PER3: variants seen among roughly 807,000 people sequenced by gnomAD.
PER3 encodes the protein period circadian regulator 3.
Under a neutral mutation model 127.2 loss-of-function variants are expected in PER3, and 107 were observed. That is an observed-to-expected ratio of 0.84 (90% CI 0.72 to 0.99). The LOEUF is 0.99. Among genes scored for constraint, PER3 ranks in the 50% least tolerant of loss-of-function variants. The pLI, the probability that PER3 is intolerant of heterozygous loss-of-function variation, is 0.00. For synonymous variants in PER3, 618 were observed against 585.8 expected (o/e 1.05, Z -0.79); for missense variants, 1,560 against 1,525.8 (o/e 1.02, Z -0.37).
At chr1:7,829,200 GTA>G (rs2097317097) in intron 18 of PER3, among the ~76,000 whole-genome samples, 1 of 152,136 alleles carries the variant, frequency 6.6e-6, no homozygotes, top group African/African-American at 2.4e-5. Flanking sequence ...CGTATATACA[GTA>G]TGTTTTTTCC....
intron 21 of PER3, among the ~76,000 whole-genome samples, chr1:7,839,632 T>C (rs1299198322): frequency 2.0e-5 from 3 of 152,240 alleles, no homozygotes; most frequent in African/African-American, 4.8e-5. Flanking sequence ...ATGTCTTCAC[T>C]TCTCCCTTAC....
In PER3 at chr1:7,823,874, A is replaced by G. The variant is rs149616786; in HGVS notation, c.1958-2606A>G. On this transcript the variant is annotated intron_variant, in intron 16 of 21. Coordinates refer to ENST00000377532, the MANE Select transcript of PER3 (RefSeq NM_001377275.1). ...CTTTTCAAGTACACACAGTATGTTCACTGAGAAATACGACATGTTGGGCTG... is the reference window on the plus strand; with the variant it reads ...CTTTTCAAGTACACACAGTATGTTCGCTGAGAAATACGACATGTTGGGCTG... Among the ~76,000 whole-genome samples the G allele has an allele frequency of 1.4e-3, 220 of 152,350 alleles. 1 individual carries two copies. Among genetic ancestry groups the G allele is most frequent in the Middle Eastern group, 0.01 (3 of 294 alleles).
At chr1:7,788,632 G>A (rs61773372) in intron 5 of PER3, 26,699 of 200,922 alleles carry the variant, frequency 0.13, 2,150 homozygotes, top group Admixed American at 0.17. Context: ...GGCTGGGCAA[G>A]GTGGCTCACG....
rs936587567 is a variant in PER3 at position 7,803,767 on chromosome 1, T to A, written c.1055T>A (p.Ile352Lys). Reference protein sequence around the residue: ...RFCTQNGDYIILDSSWSSFVN... With the variant: ...RFCTQNGDYIKLDSSWSSFVN... The stretch of plus-strand genomic sequence containing the variant: ...TGTACTCAAAACGGAGACTACATCA[T>A]ACTGGATTCCAGTTGGTCCAGCTTT... The change falls in exon 10 of 22, where the codon ATA becomes AAA. Residue 352 changes from isoleucine (I) to lysine (K), a missense_variant. Ile to Lys is a moderately radical substitution (Grantham distance 102). Coordinates refer to ENST00000377532, the MANE Select transcript of PER3 (RefSeq NM_001377275.1). 6.2e-7 allele frequency: 1 copy of A among 1,612,112 alleles called. No homozygotes were observed. Among genetic ancestry groups the A allele is most frequent in the Non-Finnish European group, 8.5e-7 (1 of 1,178,100 alleles).
Position 7,826,536 on chromosome 1 carries a change from T to C in PER3, c.2014T>C (p.Leu672=), listed in dbSNP as rs2097302335. The C allele has an allele frequency of 8.1e-6, 13 of 1,614,116 alleles. No homozygotes were observed. Among genetic ancestry groups the C allele is most frequent in the Non-Finnish European group, 1.0e-5 (12 of 1,179,974 alleles). ...PWTLNMQPAP[L]TSEEFKHVGL... ...GACCCTGAACATGCAGCCAGCCCCTTTGACCTCGGAAGAATTTAAACACGT... is the reference window on the plus strand; with the variant it reads ...GACCCTGAACATGCAGCCAGCCCCTCTGACCTCGGAAGAATTTAAACACGT... The change falls in exon 17 of 22, where the codon TTG becomes CTG. Residue 672 remains leucine, a synonymous_variant. Transcript: ENST00000377532. The surrounding 1 kb of genome is among the most constrained non-coding windows in gnomAD (Gnocchi z 4.2).
Position 7,810,602 on chromosome 1 carries a change from C to T in PER3, c.1522+14C>T. ...CGAATGGTGGTGGTGAGTCAGCCGG[C>T]AGCCCCAAGGATCTCCTTCCATGGG... On this transcript the variant is annotated intron_variant, in intron 13 of 21. Transcript: ENST00000377532. The T allele has an allele frequency of 1.9e-6, 3 of 1,600,276 alleles. No individual in the cohort carries two copies. The highest frequency in any genetic ancestry group is 1.1e-5 in the South Asian group (1 of 88,600).
intron 13 of PER3, among the ~76,000 whole-genome samples, chr1:7,815,974 CAG>C (rs1461064127): frequency 9.5e-6 from 1 of 104,800 alleles, no homozygotes; most frequent in Non-Finnish European, 1.7e-5. Context: ...GCCTGGGCGA[CAG>C]AGCGGACTCC....
At position 7,819,440 on chromosome 1, in the gene PER3, G is replaced by A; in HGVS notation, c.1658+20G>A. The A allele has an allele frequency of 6.2e-7, 1 of 1,611,384 alleles. No homozygotes were observed. Among genetic ancestry groups the A allele is most frequent in the Admixed American group, 1.7e-5 (1 of 59,888 alleles). ...CATCAGGTATGAGACCGCAAGTTTG[G>A]ATACCATGTAAGTCTGTTCCGGAAG... is the stretch of plus-strand genomic sequence containing the variant. On this transcript the variant is annotated intron_variant, in intron 14 of 21. Coordinates refer to ENST00000377532, the MANE Select transcript of PER3 (RefSeq NM_001377275.1).
chr1:7,808,256 A>T (rs1252606893), intron 10 of PER3, among the ~76,000 whole-genome samples: 1 of 139,958 alleles, frequency 7.1e-6, no homozygotes, highest in Non-Finnish European at 1.6e-5. Flanking sequence ...AAAAAAAAAA[A>T]AAACTAGTAT....
intron 19 of PER3, among the ~76,000 whole-genome samples, chr1:7,834,646 A>T (rs780206340): frequency 4.6e-5 from 7 of 151,832 alleles, no homozygotes; most frequent in Non-Finnish European, 7.4e-5. Context: ...TGGAGATGGA[A>T]CCTACCTCAC....
intron 20 of PER3, 164 bp from the exon 21 acceptor site, chr1:7,836,835 C>A (rs180885202): frequency 3.8e-5 from 19 of 494,268 alleles, no homozygotes; most frequent in Admixed American, 2.9e-4. Context: ...AAAGCCTTTA[C>A]CAACTTGAAA....
Position 7,829,939 on chromosome 1 carries a change from GC to G in PER3, c.2993del (p.Ala998ValfsTer9). ...RENPSHPTAS[A>X]LSTGSPPMKN... is the part of the protein sequence containing the mutation. ...GAATCCATCCCATCCTACTGCCAGC[GC>G]TCTGTCCACAGGATCGCCTCCCATG... is the stretch of plus-strand genomic sequence containing the variant. On this transcript the variant is annotated frameshift_variant, in exon 19 of 22. Coordinates refer to ENST00000377532, the MANE Select transcript of PER3 (RefSeq NM_001377275.1). LOFTEE classifies it high-confidence loss of function. 1 of 1,282,504 alleles carries G rather than the reference GC, an allele frequency of 7.8e-7. No homozygotes were observed. The allele number at this position is 1,282,504 out of a possible 1,614,324, so 79.4% of individuals were successfully genotyped here.
intron 21 of PER3, among the ~76,000 whole-genome samples, chr1:7,841,798 TG>T (rs951910968): frequency 2.6e-5 from 4 of 152,194 alleles, no homozygotes; most frequent in Non-Finnish European, 4.4e-5. Context: ...TAAGTGTCTT[TG>T]TTTTTTTCAG....
Position 7,844,138 on chromosome 1 carries a change from T to C in PER3, c.*1383T>C. ...TTTGTAAATGCGTCCTGATAATGATTAGGAAAATCGACCTTTTCATCCATG... is the reference window on the plus strand; with the variant it reads ...TTTGTAAATGCGTCCTGATAATGATCAGGAAAATCGACCTTTTCATCCATG... On this transcript the variant is annotated 3_prime_UTR_variant, in exon 22 of 22. Transcript: ENST00000377532. 2 of 251,424 alleles carry C rather than the reference T, an allele frequency of 8.0e-6. No individual in the cohort carries two copies. Among genetic ancestry groups the C allele is most frequent in the South Asian group, 6.1e-5 (1 of 16,382 alleles). 15.6% of individuals were successfully genotyped at this position (251,424 alleles called of 1,614,324 possible).
chr1:7,810,653 G>A (rs957997639), intron 13 of PER3, 65 bp downstream of exon 13: 11 of 1,457,682 alleles, frequency 7.5e-6, no homozygotes, highest in Non-Finnish European at 1.0e-5. Flanking sequence ...TAGACGTCAT[G>A]TATGTGATTC....
chr1:7,803,138 G>A lies in PER3; in HGVS notation c.964G>A (p.Ala322Thr). The A allele has an allele frequency of 1.2e-6, 2 of 1,602,758 alleles. No individual in the cohort carries two copies. The highest frequency in any genetic ancestry group is 1.7e-4 in the Middle Eastern group (1 of 6,046). Residue 322 changes from alanine to threonine, a missense_variant, in exon 9 of 22, where the codon GCC becomes ACC. Around this residue, in one of 3 missense-constraint regions of PER3, gnomAD observed 1,332 missense variants for 1,223.6 expected, o/e 1.09. Coordinates refer to ENST00000377532, the MANE Select transcript of PER3 (RefSeq NM_001377275.1). Reference protein sequence around the residue: ...LHPEDRSLMVAIHQKVLKYAG... With the variant: ...LHPEDRSLMVTIHQKVLKYAG... ...CCCTGAAGATCGTTCTCTGATGGTT[G>A]CCATACACCAAAAAGGTCAGGACCT...
At chr1:7,830,667 A>G (rs1244910075) in intron 19 of PER3, among the ~76,000 whole-genome samples, 1 of 152,238 alleles carries the variant, frequency 6.6e-6, no homozygotes, top group Admixed American at 6.5e-5. Context: ...GGTATGAGGA[A>G]GGGTCAATAT....
chr1:7,842,270 A>G (rs921973888), intron 21 of PER3, among the ~76,000 whole-genome samples: 1 of 152,104 alleles, frequency 6.6e-6, no homozygotes, highest in Non-Finnish European at 1.5e-5. Flanking sequence ...TGGGAGGCCA[A>G]GGTGGGCGGA....
At chr1:7,835,567 A>T (rs147607218) in intron 19 of PER3, among the ~76,000 whole-genome samples, 195 bp from the exon 20 acceptor site, 33 of 152,336 alleles carry the variant, frequency 2.2e-4, no homozygotes, top group African/African-American at 7.7e-4. Flanking sequence ...ATAGCTCATT[A>T]GGAATGGAAA....
Sources: allele counts gnomAD v4.1 joint callset (sites outside exome capture counted in the v4.1 genomes callset), GRCh38; gene constraint gnomAD v4.1.1; regional missense constraint gnomAD v4.1.1; non-coding constraint Gnocchi (gnomAD v3.1); transcripts MANE v1.5; gene names NCBI Gene and HGNC (gene_info 2026-07-23, HGNC 2026-07-21).